The following FOCAD variants were observed in gnomAD, a reference collection of about 807,000 sequenced individuals.
FOCAD encodes focadhesin.
A neutral mutation model predicts 225.6 loss-of-function variants in FOCAD; 198 were observed. The ratio of observed to expected loss-of-function variants is 0.88; its 90% CI spans 0.78 to 0.99. The LOEUF is 0.99. Among genes scored for constraint, FOCAD ranks in the 50% least tolerant of loss-of-function variants. FOCAD has a pLI of 0.00. For missense variants in FOCAD, 2,713 were observed against 2,123.6 expected, an observed-to-expected ratio of 1.28 and a Z score of -5.46; for synonymous variants, 897 against 755.0, an observed-to-expected ratio of 1.19 and a Z score of -3.08.
At chr9:20,694,166 A>C (rs886668030) in intron 1 of FOCAD, among the ~76,000 whole-genome samples, 1 of 152,190 alleles carries the variant, frequency 6.6e-6, no homozygotes, top group Non-Finnish European at 1.5e-5. Context: ...GTTGTAAATC[A>C]TAACATTTTT....
intron 29 of FOCAD, 81 bp downstream of exon 29, chr9:20,944,855 T>A: frequency 7.2e-7 from 1 of 1,381,054 alleles, no homozygotes; most frequent in Non-Finnish European, 9.7e-7. Context: ...TTACCATATT[T>A]TGGTAACCCT....
At chr9:20,935,037 C>T (rs1314627468) in intron 28 of FOCAD, among the ~76,000 whole-genome samples, 7 of 152,038 alleles carry the variant, frequency 4.6e-5, no homozygotes, top group Admixed American at 4.6e-4. Context: ...TGATAATTAC[C>T]ATAGTGTCAA....
intron 42 of FOCAD, among the ~76,000 whole-genome samples, chr9:20,991,812 C>CAAAAAAAAAA (rs58403366): frequency 9.4e-6 from 1 of 105,982 alleles, no homozygotes; most frequent in Non-Finnish European, 1.9e-5. Context: ...GACTCTGTCT[C>CAAAAAAAAAA]AAAAAAAAAA....
chr9:20,901,442 T>G (rs994595164), intron 21 of FOCAD, among the ~76,000 whole-genome samples: 1 of 151,916 alleles, frequency 6.6e-6, no homozygotes, highest in African/African-American at 2.4e-5. Flanking sequence ...AGTTCGACAA[T>G]CAAAGAATGC....
At chr9:20,658,125 G>A (rs1490669448), upstream of FOCAD, among the ~76,000 whole-genome samples, 15 of 151,332 alleles carry the variant, frequency 9.9e-5, no homozygotes, top group Middle Eastern at 3.4e-3. Flanking sequence ...TGAGGAGGCA[G>A]TCTGCCCGTT....
At chr9:20,688,308 T>C (rs1237526840) in intron 1 of FOCAD, among the ~76,000 whole-genome samples, 1 of 152,112 alleles carries the variant, frequency 6.6e-6, no homozygotes, top group East Asian at 1.9e-4. Flanking sequence ...GAGGATGAAT[T>C]CCAGATATAT....
chr9:20,885,121 T>C lies in FOCAD; in HGVS notation c.2516T>C (p.Phe839Ser). Residue 839 changes from phenylalanine to serine, a missense_variant, in exon 21 of 44, where the codon TTT becomes TCT. Coordinates refer to ENST00000338382, the MANE Select transcript of FOCAD (RefSeq NM_001375567.1). ...ATTTTTTTTAAAGGTGGTATGTTATTTTGCTATGATGTTTCCATGTATCAG... is the reference window on the plus strand; with the variant it reads ...ATTTTTTTTAAAGGTGGTATGTTATCTTGCTATGATGTTTCCATGTATCAG... ...LKPGLAGGML[F>S]CYDVSMYQSK... 1 of 1,464,218 alleles carries C rather than the reference T, an allele frequency of 6.8e-7. No individual in the cohort carries two copies. 90.7% of individuals were successfully genotyped at this position (1,464,218 alleles called of 1,614,324 possible).
intron 19 of FOCAD, chr9:20,875,807 G>C (rs528615765): frequency 6.6e-6 from 1 of 152,134 alleles, no homozygotes; most frequent in Non-Finnish European, 1.5e-5. Context: ...TCATTAAAAA[G>C]TTATTTACAA....
At chr9:20,878,749 A>G (rs753536634) in intron 19 of FOCAD, among the ~76,000 whole-genome samples, 22 of 152,204 alleles carry the variant, frequency 1.4e-4, no homozygotes, top group Non-Finnish European at 3.1e-4. Context: ...ACTATCTGCA[A>G]GCTGGAGACT....
chr9:20,724,001 T>A (rs1826001652), intron 4 of FOCAD, among the ~76,000 whole-genome samples: 2 of 152,124 alleles, frequency 1.3e-5, no homozygotes, highest in Admixed American at 6.5e-5. Flanking sequence ...AGGTCCAAGA[T>A]TCTTTTAAAT....
intron 6 of FOCAD, among the ~76,000 whole-genome samples, chr9:20,763,403 C>G (rs1211528047): frequency 6.6e-6 from 1 of 152,112 alleles, no homozygotes; most frequent in Non-Finnish European, 1.5e-5. Flanking sequence ...CTGAAGTGCA[C>G]TATTATTGTG....
intron 23 of FOCAD, 116 bp from the exon 24 acceptor site, chr9:20,916,777 G>A: frequency 1.1e-6 from 1 of 880,080 alleles, no homozygotes. Flanking sequence ...AATTCTACCT[G>A]TATAGTTTTA....
chr9:20,796,610 C>G (rs1267042681), intron 11 of FOCAD, among the ~76,000 whole-genome samples: 1 of 152,126 alleles, frequency 6.6e-6, no homozygotes, highest in African/African-American at 2.4e-5. Context: ...GCATAAATGT[C>G]TTCTTTTGAG....
At chr9:20,937,883 G>GA (rs1213406542) in intron 28 of FOCAD, among the ~76,000 whole-genome samples, 3 of 152,006 alleles carry the variant, frequency 2.0e-5, no homozygotes, top group Non-Finnish European at 4.4e-5. Flanking sequence ...AAATTCACAA[G>GA]AAAAAAACAG....
intron 7 of FOCAD, among the ~76,000 whole-genome samples, chr9:20,768,219 G>A (rs955721134): frequency 2.0e-5 from 3 of 148,930 alleles, no homozygotes; most frequent in African/African-American, 7.4e-5. Flanking sequence ...TGCTGTTTTG[G>A]TGACTGTAGC....
chr9:20,958,104 AC>A, intron 35 of FOCAD, among the ~76,000 whole-genome samples: 1 of 152,252 alleles, frequency 6.6e-6, no homozygotes, highest in African/African-American at 2.4e-5. Context: ...GTAAGCTTTG[AC>A]CACTTCTGTA....
intron 37 of FOCAD, among the ~76,000 whole-genome samples, chr9:20,979,630 C>T (rs541880612): frequency 3.3e-5 from 5 of 152,246 alleles, no homozygotes; most frequent in African/African-American, 1.2e-4. Flanking sequence ...TGAGCCACCA[C>T]GCTGGGCCTG....
At chr9:20,929,873 A>G (rs1399938136) in intron 27 of FOCAD, among the ~76,000 whole-genome samples, 2 of 152,186 alleles carry the variant, frequency 1.3e-5, no homozygotes, top group African/African-American at 2.4e-5. Context: ...CCAGGTACCT[A>G]TGTGTGGTGG....
intron 2 of FOCAD, among the ~76,000 whole-genome samples, chr9:20,671,373 G>A (rs1331473692): frequency 6.6e-6 from 1 of 152,056 alleles, no homozygotes; most frequent in East Asian, 1.9e-4. Context: ...TTATTGTGTG[G>A]ACAATCCTGT....
Sources: gnomAD v4.1 joint callset for allele counts (sites outside exome capture counted in the v4.1 genomes callset) on GRCh38, gnomAD v4.1.1 for gene constraint, MANE v1.5 for transcripts, NCBI Gene and HGNC (gene_info 2026-07-23, HGNC 2026-07-21) for gene names.